Variants in UBE2W observed in about 807,000 individuals in gnomAD.
UBE2W encodes the protein ubiquitin conjugating enzyme E2 W, also known as ubiquitin-conjugating enzyme E2 W.
Under a neutral mutation model 27.2 loss-of-function variants are expected in UBE2W, and 18 were observed. That is an observed-to-expected ratio of 0.66 (90% CI 0.46 to 0.98). UBE2W has a LOEUF of 0.98. Ranked by LOEUF, UBE2W falls within the 50% of genes least tolerant of loss-of-function variation. The pLI, the probability that UBE2W is intolerant of heterozygous loss-of-function variation, is 0.00. For missense variants in UBE2W, 90 were observed against 180.2 expected, an observed-to-expected ratio of 0.50 and a Z score of 2.87; for synonymous variants, 53 against 57.2, an observed-to-expected ratio of 0.93 and a Z score of 0.33.
Position 73,793,612 on chromosome 8 carries a change from T to C in UBE2W, c.*490A>G. On this transcript the variant is annotated 3_prime_UTR_variant, in exon 6 of 6. Transcript: ENST00000602593. Reference sequence around the variant, plus strand: ...TCCAAATATAAACAGTTGGGGTGACTTTTAAAGTAATGTTGGATCCCTCAC... The same window carrying C: ...TCCAAATATAAACAGTTGGGGTGACCTTTAAAGTAATGTTGGATCCCTCAC... 3.0e-6 allele frequency: 3 copies of C among 986,392 alleles called. No individual in the cohort carries two copies. Among genetic ancestry groups the C allele is most frequent in the Non-Finnish European group, 3.6e-6 (3 of 830,336 alleles). The allele number at this position is 986,392 out of a possible 1,614,324, so 61.1% of individuals were successfully genotyped here. A position where few individuals can be genotyped will look rare whatever the true frequency, so the allele number is the denominator to read the frequency against.
At chr8:73,806,087 A>G (rs1387781921) in intron 4 of UBE2W, among the ~76,000 whole-genome samples, 2 of 152,052 alleles carry the variant, frequency 1.3e-5, no homozygotes, top group Non-Finnish European at 2.9e-5. Flanking sequence ...CCCGGGAGGC[A>G]GAGGTTGCAG....
chr8:73,837,572 A>C lies in UBE2W; in HGVS notation c.16-7100T>G, dbSNP rs191908452. On this transcript the variant is annotated intron_variant, in intron 1 of 5. Coordinates refer to ENST00000602593, the MANE Select transcript of UBE2W (RefSeq NM_018299.6). ...GTTTAATTTTCCTAAGTCTACTGAA[A>C]AATAAAACTTCGAGTATGTTTCTGA... is the stretch of plus-strand genomic sequence containing the variant. Among the ~76,000 whole-genome samples, 3 of 152,342 alleles carry C rather than the reference A, an allele frequency of 2.0e-5. No individual in the cohort carries two copies. The East Asian group carries it at 5.8e-4, about 29-fold the overall frequency.
intron 2 of UBE2W, among the ~76,000 whole-genome samples, chr8:73,827,765 C>T (rs1809911703): frequency 1.3e-5 from 2 of 152,026 alleles, no homozygotes; most frequent in Admixed American, 1.3e-4. Flanking sequence ...GTCTTGAACT[C>T]CTGGGCTCAA....
chr8:73,831,300 G>T (rs567874341), intron 1 of UBE2W: 17 of 204,202 alleles, frequency 8.3e-5, no homozygotes, highest in Non-Finnish European at 1.7e-4. Context: ...AGCATGTAAA[G>T]ATTTCTTTTT....
At position 73,787,426 on chromosome 8, in the gene UBE2W, T is replaced by C; in HGVS notation, c.*6676A>G. 4 of 985,366 alleles carry C rather than the reference T, an allele frequency of 4.1e-6. No homozygotes were observed. Among genetic ancestry groups the C allele is most frequent in the Non-Finnish European group, 4.8e-6 (4 of 829,908 alleles). The allele number at this position is 985,366 out of a possible 1,614,324, so 61.0% of individuals were successfully genotyped here. A position where few individuals can be genotyped will look rare whatever the true frequency, so the allele number is the denominator to read the frequency against. On this transcript the variant is annotated 3_prime_UTR_variant, in exon 6 of 6. Coordinates refer to ENST00000602593, the MANE Select transcript of UBE2W (RefSeq NM_018299.6). ...GGAAAGTAGAAATTAAGGATTATAA[T>C]AAAGGAAAAGGGCATCATCAAAGTA...
intron 1 of UBE2W, among the ~76,000 whole-genome samples, chr8:73,841,875 C>T (rs1284748672): frequency 6.6e-6 from 1 of 152,022 alleles, no homozygotes; most frequent in Non-Finnish European, 1.5e-5. Context: ...AGAAAATGGG[C>T]AAAGAGACAA....
intron 3 of UBE2W, among the ~76,000 whole-genome samples, chr8:73,820,980 A>C (rs1809589396): frequency 2.0e-5 from 3 of 152,172 alleles, no homozygotes; most frequent in Admixed American, 2.0e-4. Flanking sequence ...TAAATTAAAA[A>C]AGGAATCCTT....
At chr8:73,870,412 G>T in intron 1 of UBE2W, 2 of 971,670 alleles carry the variant, frequency 2.1e-6, no homozygotes, top group Non-Finnish European at 3.0e-6. Flanking sequence ...AAAGACAAAA[G>T]CATCTAGTAG....
intron 1 of UBE2W, among the ~76,000 whole-genome samples, chr8:73,858,005 A>G (rs889010292): frequency 8.6e-5 from 13 of 152,012 alleles, no homozygotes; most frequent in African/African-American, 3.1e-4. Context: ...CAGGCGGATC[A>G]CCTGAGGTCA....
At chr8:73,822,170 T>A (rs1314936979) in intron 3 of UBE2W, among the ~76,000 whole-genome samples, 1 of 152,058 alleles carries the variant, frequency 6.6e-6, no homozygotes, top group African/African-American at 2.4e-5. Flanking sequence ...CCTGAGGAAA[T>A]CTCAACTGCA....
chr8:73,827,176 G>A (rs1435181688), intron 2 of UBE2W, among the ~76,000 whole-genome samples: 3 of 151,930 alleles, frequency 2.0e-5, no homozygotes, highest in South Asian at 2.1e-4. Context: ...ATACTGACAC[G>A]AGGTCAAAGG....
chr8:73,791,832 G>A lies in UBE2W; in HGVS notation c.*2270C>T. 1 of 984,558 alleles carries A rather than the reference G, an allele frequency of 1.0e-6. No individual in the cohort carries two copies. The highest frequency in any genetic ancestry group is 1.2e-6 in the Non-Finnish European group (1 of 829,312). 61.0% of individuals were successfully genotyped at this position (984,558 alleles called of 1,614,324 possible). A position where few individuals can be genotyped will look rare whatever the true frequency, so the allele number is the denominator to read the frequency against. ...ATTTCATTTTCCTCTACTTTCCTCT[G>A]TGTCATTTTAGTTTACTTTATGGTA... On this transcript the variant is annotated 3_prime_UTR_variant, in exon 6 of 6. Coordinates refer to ENST00000602593, the MANE Select transcript of UBE2W (RefSeq NM_018299.6).
At chr8:73,820,780 C>A (rs147424745) in intron 3 of UBE2W, among the ~76,000 whole-genome samples, 5 of 97,786 alleles carry the variant, frequency 5.1e-5, no homozygotes, top group African/African-American at 1.9e-4. Flanking sequence ...AACAAACAAA[C>A]AAAAAAACAA....
rs141433767 is a variant in UBE2W, at chr8:73,873,612, C to T, written c.15+5196G>A. On this transcript the variant is annotated intron_variant, in intron 1 of 5. Transcript: ENST00000602593. ...ACAAGGGTGCAGTGAGCCAAGACCACGTCACTGCACTCTAGCCTGGGTGAC... is the reference window on the plus strand; with the variant it reads ...ACAAGGGTGCAGTGAGCCAAGACCATGTCACTGCACTCTAGCCTGGGTGAC... Among the ~76,000 whole-genome samples the T allele has an allele frequency of 7.5e-3, 1,145 of 152,240 alleles. 17 individuals carry two copies. Among genetic ancestry groups the T allele is most frequent in the African/African-American group, 0.026 (1,073 of 41,522 alleles).
intron 1 of UBE2W, among the ~76,000 whole-genome samples, chr8:73,857,065 C>T (rs909134927): frequency 6.6e-6 from 1 of 152,100 alleles, no homozygotes; most frequent in African/African-American, 2.4e-5. Flanking sequence ...TTGTCAAGCC[C>T]AAATACACAC....
intron 5 of UBE2W, among the ~76,000 whole-genome samples, chr8:73,802,198 G>A (rs983547148): frequency 6.6e-6 from 1 of 152,148 alleles, no homozygotes; most frequent in Non-Finnish European, 1.5e-5. Flanking sequence ...CTTCCTTAAA[G>A]GATTACACTA....
Position 73,870,884 on chromosome 8 carries a change from A to C in UBE2W, c.15+7924T>G, listed in dbSNP as rs139677041. Among the ~76,000 whole-genome samples the C allele has an allele frequency of 2.8e-3, 429 of 151,484 alleles. 2 individuals are homozygous for C. The highest frequency in any genetic ancestry group is 2.8e-3 in the Non-Finnish European group (189 of 67,908). On this transcript the variant is annotated intron_variant, in intron 1 of 5. Transcript: ENST00000602593. ...GATCATCCAGATGTGTGAGAAGAGCATTCCAAATAGAGAAAACAACAAGCA... is the reference window on the plus strand; with the variant it reads ...GATCATCCAGATGTGTGAGAAGAGCCTTCCAAATAGAGAAAACAACAAGCA...
At chr8:73,866,280 A>AT (rs1811755713) in intron 1 of UBE2W, among the ~76,000 whole-genome samples, 4 of 98,970 alleles carry the variant, frequency 4.0e-5, no homozygotes, top group African/African-American at 1.6e-4. Context: ...AAAAAAAAAA[A>AT]AAAAAAAAAA....
rs1245472137 is a variant in UBE2W at position 73,790,194 on chromosome 8, G to A, written c.*3908C>T. 28 of 982,788 alleles carry A rather than the reference G, an allele frequency of 2.8e-5. No homozygotes were observed. In the African/African-American group the frequency reaches 4.2e-4, roughly 15 times the overall value. The allele number at this position is 982,788 out of a possible 1,614,324, so 60.9% of individuals were successfully genotyped here. A position where few individuals can be genotyped will look rare whatever the true frequency, so the allele number is the denominator to read the frequency against. Reference sequence around the variant, plus strand: ...AATCCCTAACCTCAGAAAAAAAAAAGAGAGAATAAATTAGAAGTGAGAAAA... The same window carrying A: ...AATCCCTAACCTCAGAAAAAAAAAAAAGAGAATAAATTAGAAGTGAGAAAA... On this transcript the variant is annotated 3_prime_UTR_variant, in exon 6 of 6. Coordinates refer to ENST00000602593, the MANE Select transcript of UBE2W (RefSeq NM_018299.6).
Sources: allele counts gnomAD v4.1 joint callset (sites outside exome capture counted in the v4.1 genomes callset), GRCh38; gene constraint gnomAD v4.1.1; transcripts MANE v1.5; gene names NCBI Gene and HGNC (gene_info 2026-07-23, HGNC 2026-07-21).